Variants in STRN4 observed in about 807,000 individuals in gnomAD.
STRN4 encodes striatin 4.
Under a neutral mutation model 77.9 loss-of-function variants are expected in STRN4, and 27 were observed. The observed-to-expected ratio is 0.35, with a 90% CI of 0.26 to 0.48. The LOEUF (loss-of-function observed/expected upper bound fraction) is 0.48. Ranked by LOEUF, STRN4 falls within the 20% of genes least tolerant of loss-of-function variation. The probability of loss-of-function intolerance (pLI) is 0.99; values close to 1 mark genes in which losing one functional copy is unlikely to be tolerated. For missense variants in STRN4, 798 were observed against 1,049.7 expected (o/e 0.76, Z 3.31); for synonymous variants, 466 against 443.1 (o/e 1.05, Z -0.65).
At chr19:46,736,799 G>A in intron 4 of STRN4, 24 bp downstream of exon 4, 1 of 1,609,514 alleles carries the variant, frequency 6.2e-7, no homozygotes, top group Non-Finnish European at 8.5e-7. Context: ...CGTGTCCCCA[G>A]CCCCCCTCCC....
At chr19:46,737,779 G>A (rs1181709356) in intron 3 of STRN4, among the ~76,000 whole-genome samples, 4 of 152,166 alleles carry the variant, frequency 2.6e-5, no homozygotes, top group Non-Finnish European at 5.9e-5. Context: ...TACAAATAAA[G>A]TCTTTTTTGG....
intron 8 of STRN4, 145 bp downstream of exon 8, chr19:46,727,749 C>G: frequency 1.2e-6 from 1 of 810,832 alleles, no homozygotes; most frequent in African/African-American, 1.7e-5. Flanking sequence ...GGGAGACAGA[C>G]AGACAGACGA....
At position 46,720,777 on chromosome 19, in the gene STRN4, C is replaced by G. The variant is rs1047019747; in HGVS notation, c.2093-6G>C. 4.5e-6 allele frequency: 7 copies of G among 1,565,488 alleles called. 1 individual carries two copies. Among genetic ancestry groups the G allele is most frequent in the Admixed American group, 3.6e-5 (2 of 56,128 alleles). On this transcript the variant is annotated splice_polypyrimidine_tract_variant and splice_region_variant and intron_variant, in intron 16 of 17. Transcript: ENST00000263280. ...ACGCAGGGAGCAGTCATGGCCTGCACATGTGTCGGGGACAGAAGGGGTGGT... is the reference window on the plus strand; with the variant it reads ...ACGCAGGGAGCAGTCATGGCCTGCAGATGTGTCGGGGACAGAAGGGGTGGT...
Position 46,719,923 on chromosome 19 carries a change from G to A in STRN4, c.*482C>T, listed in dbSNP as rs1368149474. The A allele has an allele frequency of 6.6e-6, 1 of 152,314 alleles. No individual in the cohort carries two copies. Among genetic ancestry groups the A allele is most frequent in the African/African-American group, 2.4e-5 (1 of 41,438 alleles). 9.4% of individuals were successfully genotyped at this position (152,314 alleles called of 1,614,324 possible). ...GTCTGGAAAGCAGTGGAGAGGGCCG[G>A]AGGGGAGGGGCAGCCAGGCCGGGGC... On this transcript the variant is annotated 3_prime_UTR_variant, in exon 18 of 18. Transcript: ENST00000263280.
At chr19:46,746,112 C>T (rs770961397) in intron 1 of STRN4, 37 bp downstream of exon 1, 4 of 1,406,364 alleles carry the variant, frequency 2.8e-6, no homozygotes, top group Admixed American at 2.7e-5. Context: ...CCGGGCCGGG[C>T]CGGGTTGGGG....
At chr19:46,744,033 A>G (rs958547837) in intron 1 of STRN4, among the ~76,000 whole-genome samples, 2 of 152,050 alleles carry the variant, frequency 1.3e-5, no homozygotes, top group South Asian at 2.1e-4. Flanking sequence ...TCCTCTCCTG[A>G]TTTTTTTTAA....
chr19:46,744,872 C>T (rs766157133), intron 1 of STRN4, among the ~76,000 whole-genome samples: 1 of 152,074 alleles, frequency 6.6e-6, no homozygotes, highest in Non-Finnish European at 1.5e-5. Context: ...ATCCGGACAT[C>T]TCCATGGTCC....
intron 14 of STRN4, among the ~76,000 whole-genome samples, 177 bp downstream of exon 14, chr19:46,722,623 CCCCGCCAGTG>C (rs2054007153): frequency 6.6e-6 from 1 of 152,256 alleles, no homozygotes; most frequent in Non-Finnish European, 1.5e-5. Context: ...CCCCACTCAG[CCCCGCCAGTG>C]CCCTGGCTGT....
chr19:46,726,858 CTTCCCCAAGA>C (rs1380701360), intron 9 of STRN4, among the ~76,000 whole-genome samples: 1 of 152,192 alleles, frequency 6.6e-6, no homozygotes, highest in African/African-American at 2.4e-5. Flanking sequence ...GAACACTGCA[CTTCCCCAAGA>C]TGAAATGACA....
intron 12 of STRN4, 105 bp downstream of exon 12, chr19:46,724,702 T>A: frequency 1.3e-6 from 2 of 1,541,212 alleles, no homozygotes; most frequent in Non-Finnish European, 1.8e-6. Context: ...CACGCACTCC[T>A]GAGGCCTGCA....
Position 46,733,518 on chromosome 19 carries a change from T to TCATAGCGCTGCAAGGAGA in STRN4, c.540-283_540-282insTCTCCTTGCAGCGCTATG, listed in dbSNP as rs2054298324. Reference sequence around the variant, plus strand: ...TCAGCACCCACCGACAGGGGCTGTGTCAGCAAATGACTCATAGCGCTGCAA... The same window carrying TCATAGCGCTGCAAGGAGA: ...TCAGCACCCACCGACAGGGGCTGTGTCATAGCGCTGCAAGGAGACAGCAAATGACTCATAGCGCTGCAA... On this transcript the variant is annotated intron_variant, in intron 4 of 17. Coordinates refer to ENST00000263280, the MANE Select transcript of STRN4 (RefSeq NM_013403.3). The surrounding 1 kb of genome is among the most constrained non-coding windows in gnomAD (Gnocchi z 4.3). 2.4e-6 allele frequency: 1 copy of TCATAGCGCTGCAAGGAGA among 417,268 alleles called. No homozygotes were observed. The highest frequency in any genetic ancestry group is 4.4e-5 in the East Asian group (1 of 22,968). 25.8% of individuals were successfully genotyped at this position (417,268 alleles called of 1,614,324 possible). A position where few individuals can be genotyped will look rare whatever the true frequency, so the allele number is the denominator to read the frequency against.
chr19:46,746,221 G>A lies in STRN4; in HGVS notation c.210C>T (p.His70=). 6.5e-7 allele frequency: 1 copy of A among 1,535,208 alleles called. No homozygotes were observed. The highest frequency in any genetic ancestry group is 1.2e-5 in the South Asian group (1 of 84,470). The change falls in exon 1 of 18, where the codon CAC becomes CAT. Residue 70 remains histidine, a synonymous_variant. Transcript: ENST00000263280. ...PEPLSLPGIL[H]FIQHEWARFE... Reference sequence around the variant, plus strand: ...AGCGCGCCCACTCGTGCTGGATAAAGTGCAGGATCCCCGGCAGGCTCAGGG... The same window carrying A: ...AGCGCGCCCACTCGTGCTGGATAAAATGCAGGATCCCCGGCAGGCTCAGGG...
At chr19:46,730,933 G>A in intron 5 of STRN4, 60 bp from the exon 6 acceptor site, 1 of 1,592,262 alleles carries the variant, frequency 6.3e-7, no homozygotes, top group Non-Finnish European at 8.5e-7. Context: ...AGCTCAGATA[G>A]GAAGGTGCCC....
chr19:46,720,530 C>T lies in STRN4; in HGVS notation c.*66+6G>A, dbSNP rs2053952557. 6 of 1,453,416 alleles carry T rather than the reference C, an allele frequency of 4.1e-6. No individual in the cohort carries two copies. The South Asian group carries it at 8.9e-5, about 22-fold the overall frequency. The allele number at this position is 1,453,416 out of a possible 1,614,324, so 90.0% of individuals were successfully genotyped here. A position where few individuals can be genotyped will look rare whatever the true frequency, so the allele number is the denominator to read the frequency against. ...GAGACTCAGAATGCGGGGTTTCTGC[C>T]CTCACCTCAGCCCCACCTGCCCGGC... On this transcript the variant is annotated splice_donor_region_variant and intron_variant, in intron 17 of 17. Transcript: ENST00000263280.
chr19:46,734,764 ACGCC>A lies in STRN4; in HGVS notation c.540-1532_540-1529del, dbSNP rs2054324851. 1.2e-4 allele frequency among the ~76,000 whole-genome samples: 19 copies of A among 152,228 alleles called. No homozygotes were observed. The South Asian group carries it at 3.7e-3, about 30-fold the overall frequency. On this transcript the variant is annotated intron_variant, in intron 4 of 17. Transcript: ENST00000263280. ...ACTGCAAGCTCCGTCTCCCGGGTTC[ACGCC>A]ATTCTCCTGCCTCAGCCTCCCGAGT... is the stretch of plus-strand genomic sequence containing the variant.
rs2054217287 is a variant in STRN4 at position 46,730,230 on chromosome 19, G to C, written c.879+502C>G. Among the ~76,000 whole-genome samples the C allele has an allele frequency of 3.3e-5, 5 of 152,350 alleles. 1 individual carries two copies. In the South Asian group the frequency reaches 1.0e-3, roughly 32 times the overall value. ...CACTCTACTTGGGGTGCGACTCTGT[G>C]CTGAGCCACACTGGGGATACTGGAG... On this transcript the variant is annotated intron_variant, in intron 6 of 17. Coordinates refer to ENST00000263280, the MANE Select transcript of STRN4 (RefSeq NM_013403.3).
chr19:46,728,597 G>A (rs375059337), intron 7 of STRN4, 21 bp downstream of exon 7: 1 of 1,607,074 alleles, frequency 6.2e-7, no homozygotes, highest in Non-Finnish European at 8.5e-7. Context: ...AGCGGGGGCT[G>A]GCCAGAAAAC....
chr19:46,737,847 G>A (rs762862347), intron 3 of STRN4, among the ~76,000 whole-genome samples: 3 of 152,110 alleles, frequency 2.0e-5, no homozygotes, highest in African/African-American at 4.8e-5. Flanking sequence ...CGTCTTCCCC[G>A]GCTTTCCCGC....
rs996864749 is a variant in STRN4, at chr19:46,725,464, T to C, written c.1424+9A>G. On this transcript the variant is annotated intron_variant, in intron 10 of 17. Coordinates refer to ENST00000263280, the MANE Select transcript of STRN4 (RefSeq NM_013403.3). ...CCCCTGCCCCCGGCTCTGAGCTTGC[T>C]GCCCTCACTTCTTGGCCGTGACCGC... The C allele has an allele frequency of 1.2e-6, 2 of 1,613,772 alleles. No homozygotes were observed. Among genetic ancestry groups the C allele is most frequent in the African/African-American group, 2.7e-5 (2 of 74,928 alleles).
Sources: gnomAD v4.1 joint callset for allele counts (sites outside exome capture counted in the v4.1 genomes callset) on GRCh38, gnomAD v4.1.1 for gene constraint, Gnocchi (gnomAD v3.1) non-coding constraint, MANE v1.5 for transcripts, NCBI Gene and HGNC (gene_info 2026-07-23, HGNC 2026-07-21) for gene names.